CREB5: variants seen among roughly 807,000 people sequenced by gnomAD.
CREB5 encodes the protein cyclic AMP-responsive element-binding protein 5.
Under a neutral mutation model 57.1 loss-of-function variants are expected in CREB5, and 19 were observed. The observed-to-expected ratio is 0.33, with a 90% CI of 0.23 to 0.49. The LOEUF (loss-of-function observed/expected upper bound fraction) is 0.49, where lower values mean the gene tolerates loss of function less well. CREB5 is among the 20% of genes least tolerant of loss of function. The probability of loss-of-function intolerance (pLI) is 0.99; values close to 1 mark genes in which losing one functional copy is unlikely to be tolerated. For missense variants in CREB5, 579 were observed against 671.6 expected, an observed-to-expected ratio of 0.86 and a Z score of 1.52; for synonymous variants, 238 against 238.3, an observed-to-expected ratio of 1.00 and a Z score of 0.01.
chr7:28,473,124 A>G (rs1790898212), intron 1 of CREB5, among the ~76,000 whole-genome samples: 1 of 152,132 alleles, frequency 6.6e-6, no homozygotes, highest in Non-Finnish European at 1.5e-5. Context: ...GGAGTTCAAG[A>G]CCAGCCTGGG....
chr7:28,723,936 AC>A (rs920893747), intron 6 of CREB5, among the ~76,000 whole-genome samples: 1 of 152,170 alleles, frequency 6.6e-6, no homozygotes, highest in African/African-American at 2.4e-5. Flanking sequence ...TGGAGTATTT[AC>A]AAAAGTGGAA....
intron 1 of CREB5, among the ~76,000 whole-genome samples, chr7:28,433,962 G>A (rs1342923833): frequency 1.3e-5 from 2 of 151,978 alleles, no homozygotes; most frequent in African/African-American, 4.8e-5. Context: ...ATGGCAGCCT[G>A]CCAAGGAAAC....
chr7:28,474,594 G>T lies in CREB5; in HGVS notation c.4-13581G>T, dbSNP rs148440985. On this transcript the variant is annotated intron_variant, in intron 1 of 10. Transcript: ENST00000357727. ...TGTTTCTTTGGAAACAGTAGAGGAC[G>T]GATGAGGAAATAACGATCATACTAC... Among the ~76,000 whole-genome samples, 421 of 152,234 alleles carry T rather than the reference G, an allele frequency of 2.8e-3. 2 individuals carry two copies. The highest frequency in any genetic ancestry group is 4.3e-3 in the Non-Finnish European group (292 of 68,020).
chr7:28,676,233 C>G (rs1800317011), intron 5 of CREB5, among the ~76,000 whole-genome samples: 1 of 152,188 alleles, frequency 6.6e-6, no homozygotes, highest in Non-Finnish European at 1.5e-5. Flanking sequence ...CAAATCTACA[C>G]ACAGATTATT....
chr7:28,551,897 T>TTCTTTC (rs1273457927), intron 4 of CREB5, among the ~76,000 whole-genome samples: 16 of 151,164 alleles, frequency 1.1e-4, no homozygotes, highest in Non-Finnish European at 2.1e-4. Flanking sequence ...CTTTCTTTCT[T>TTCTTTC]TCTCTTTTCT....
At chr7:28,373,569 A>T (rs1167086005) in intron 1 of CREB5, among the ~76,000 whole-genome samples, 1 of 151,400 alleles carries the variant, frequency 6.6e-6, no homozygotes. Flanking sequence ...GACCATAGGC[A>T]CATGCTACCA....
intron 2 of CREB5, among the ~76,000 whole-genome samples, chr7:28,492,205 G>A (rs1008369300): frequency 6.6e-6 from 1 of 152,132 alleles, no homozygotes; most frequent in Non-Finnish European, 1.5e-5. Context: ...TTGCCATGTT[G>A]GCCAGGCTGG....
intron 7 of CREB5, among the ~76,000 whole-genome samples, chr7:28,737,507 G>C (rs7811495): frequency 0.48 from 63,740 of 133,208 alleles, 15,665 homozygotes; most frequent in Admixed American, 0.6. Context: ...CTCTCTCTCT[G>C]TGTGTGTGTG....
At chr7:28,397,477 T>C (rs1471011015) in intron 1 of CREB5, among the ~76,000 whole-genome samples, 8 of 152,098 alleles carry the variant, frequency 5.3e-5, no homozygotes, top group Non-Finnish European at 1.0e-4. Flanking sequence ...CTCCAGATTG[T>C]GGGGGTATTG....
intron 1 of CREB5, among the ~76,000 whole-genome samples, chr7:28,424,738 A>G (rs1788426504): frequency 1.3e-5 from 2 of 152,218 alleles, no homozygotes; most frequent in East Asian, 3.8e-4. Flanking sequence ...TATTGTTTTG[A>G]TGTGCTAACA....
At chr7:28,508,762 C>G (rs2128607469) in intron 4 of CREB5, among the ~76,000 whole-genome samples, 2 of 152,228 alleles carry the variant, frequency 1.3e-5, no homozygotes, top group South Asian at 4.2e-4. Flanking sequence ...AAATCTCAGT[C>G]AACTCGTTTT....
At chr7:28,303,644 G>A (rs1395186089) in intron 1 of CREB5, among the ~76,000 whole-genome samples, 1 of 152,180 alleles carries the variant, frequency 6.6e-6, no homozygotes, top group South Asian at 2.1e-4. Flanking sequence ...GACCTTCTAT[G>A]AGGCAGTAAA....
chr7:28,524,235 G>A (rs990088688), intron 4 of CREB5, among the ~76,000 whole-genome samples: 6 of 151,908 alleles, frequency 3.9e-5, no homozygotes, highest in African/African-American at 2.4e-5. Context: ...TCAGCATTTC[G>A]GGAGTCAAAG....
At chr7:28,353,693 A>G (rs891411614) in intron 1 of CREB5, among the ~76,000 whole-genome samples, 1 of 151,960 alleles carries the variant, frequency 6.6e-6, no homozygotes, top group South Asian at 2.1e-4. Flanking sequence ...AATACAAAAA[A>G]TTAGCTGGGT....
At chr7:28,691,061 A>G (rs1801227784) in intron 5 of CREB5, among the ~76,000 whole-genome samples, 1 of 152,212 alleles carries the variant, frequency 6.6e-6, no homozygotes, top group Non-Finnish European at 1.5e-5. Context: ...GAACAAGAAA[A>G]TAAAGTGAGA....
chr7:28,589,516 T>C (rs1451292160), intron 5 of CREB5, among the ~76,000 whole-genome samples: 1 of 152,196 alleles, frequency 6.6e-6, no homozygotes, highest in Non-Finnish European at 1.5e-5. Flanking sequence ...ATCACGCCAC[T>C]GCACTCCAGG....
chr7:28,721,862 A>G (rs1803049431), intron 6 of CREB5, among the ~76,000 whole-genome samples: 1 of 152,206 alleles, frequency 6.6e-6, no homozygotes, highest in African/African-American at 2.4e-5. Flanking sequence ...ACCTCACTGA[A>G]CTACAGACAG....
intron 1 of CREB5, among the ~76,000 whole-genome samples, chr7:28,389,997 T>A (rs143373599): frequency 6.6e-6 from 1 of 151,968 alleles, no homozygotes; most frequent in African/African-American, 2.4e-5. Flanking sequence ...CTCTGTAATT[T>A]ACTCCTACAG....
chr7:28,302,252 GT>G lies in CREB5; in HGVS notation c.-25+2818del, dbSNP rs551921033. Among the ~76,000 whole-genome samples the G allele has an allele frequency of 2.7e-3, 412 of 152,116 alleles. 4 individuals carry two copies. Among genetic ancestry groups the G allele is most frequent in the Admixed American group, 0.011 (172 of 15,274 alleles). On this transcript the variant is annotated intron_variant, in intron 1 of 9. Coordinates refer to the CREB5 transcript ENST00000396299. ...TAAGTATTTCATTAATAATTTGAGG[GT>G]TTTTTTGGACTGATTTTTGGTTTCT...
Sources: allele counts gnomAD v4.1 joint callset (sites outside exome capture counted in the v4.1 genomes callset), GRCh38; gene constraint gnomAD v4.1.1; transcripts MANE v1.5; gene names NCBI Gene and HGNC (gene_info 2026-07-23, HGNC 2026-07-21).